MARCHF1: variants seen among roughly 807,000 people sequenced by gnomAD.
MARCHF1 encodes the protein E3 ubiquitin-protein ligase MARCHF1.
In MARCHF1, 40 loss-of-function variants were observed where a neutral mutation model predicts 54.2. That is an observed-to-expected ratio of 0.74 (90% CI 0.57 to 0.96). The LOEUF is 0.96. Ranked by LOEUF, MARCHF1 falls within the 40% of genes least tolerant of loss-of-function variation. The probability of loss-of-function intolerance (pLI) is 0.00; values close to 1 mark genes in which losing one functional copy is unlikely to be tolerated. For missense variants in MARCHF1, 586 were observed against 656.5 expected (o/e 0.89, Z 1.17); for synonymous variants, 236 against 236.3 (o/e 1.00, Z 0.01).
intron 1 of MARCHF1, among the ~76,000 whole-genome samples, chr4:164,299,778 G>C (rs1458592550): frequency 6.6e-6 from 1 of 152,160 alleles, no homozygotes; most frequent in Non-Finnish European, 1.5e-5. Context: ...AACTCTTACA[G>C]AGGAAAATAG....
chr4:163,612,937 A>G lies in MARCHF1; in HGVS notation c.344T>C (p.Ile115Thr), dbSNP rs1579112750. Residue 115 changes from isoleucine (I) to threonine (T), a missense_variant, in exon 7 of 10, where the codon ATA (isoleucine) becomes ACA (threonine). This residue lies in a region of MARCHF1 where 387 missense variants were observed against 394.6 expected (regional missense o/e 0.98). Coordinates refer to ENST00000514618, the MANE Select transcript of MARCHF1 (RefSeq NM_001394959.1). The stretch of plus-strand genomic sequence containing the variant: ...TTTTCTCCTCCTCCTAGGTCTTTGT[A>G]TTACTGATTTCTTACCAGACTCCTT... ...ARKESGKKSV[I>T]QRPRRRRKAS... 1.3e-6 allele frequency: 2 copies of G among 1,535,152 alleles called. No homozygotes were observed. Among genetic ancestry groups the G allele is most frequent in the African/African-American group, 1.4e-5 (1 of 73,042 alleles).
chr4:164,131,423 G>A (rs983070547), intron 1 of MARCHF1, among the ~76,000 whole-genome samples: 1 of 152,078 alleles, frequency 6.6e-6, no homozygotes, highest in Non-Finnish European at 1.5e-5. Flanking sequence ...TTTGGCATTT[G>A]GAAATACAAT....
chr4:164,255,529 A>G (rs1430686269), intron 1 of MARCHF1, among the ~76,000 whole-genome samples: 1 of 152,102 alleles, frequency 6.6e-6, no homozygotes, highest in East Asian at 1.9e-4. Context: ...GATGGAGAAT[A>G]TCAGAGATAA....
intron 1 of MARCHF1, among the ~76,000 whole-genome samples, chr4:164,217,609 TAA>T (rs1731970034): frequency 6.6e-6 from 1 of 152,188 alleles, no homozygotes; most frequent in Non-Finnish European, 1.5e-5. Context: ...CCTTGGATGA[TAA>T]AGACTCTTTG....
intron 1 of MARCHF1, among the ~76,000 whole-genome samples, chr4:164,366,881 A>G (rs534700862): frequency 1.3e-5 from 2 of 149,966 alleles, no homozygotes; most frequent in South Asian, 4.2e-4. Context: ...GTTTAATTCA[A>G]AATAATTTAC....
intron 3 of MARCHF1, among the ~76,000 whole-genome samples, chr4:163,874,100 G>A (rs1160012561): frequency 6.6e-6 from 1 of 152,190 alleles, no homozygotes; most frequent in African/African-American, 2.4e-5. Flanking sequence ...AATTATCATA[G>A]AGGTATTAGT....
At chr4:164,218,593 C>A (rs1049835238) in intron 1 of MARCHF1, among the ~76,000 whole-genome samples, 1 of 150,706 alleles carries the variant, frequency 6.6e-6, no homozygotes, top group Admixed American at 6.7e-5. Flanking sequence ...AGCAAACTAT[C>A]CCAAGGACAA....
At chr4:163,906,619 C>T (rs1164360061) in intron 3 of MARCHF1, among the ~76,000 whole-genome samples, 1 of 151,802 alleles carries the variant, frequency 6.6e-6, no homozygotes. Flanking sequence ...CACCTTTTAT[C>T]AGCTATGTAG....
chr4:164,087,807 G>GTT (rs10706800), intron 2 of MARCHF1, among the ~76,000 whole-genome samples: 5,086 of 147,158 alleles, frequency 0.035, 271 homozygotes, highest in African/African-American at 0.12. Flanking sequence ...TTTTTTCTGT[G>GTT]TTTTTTTTTT....
intron 3 of MARCHF1, among the ~76,000 whole-genome samples, chr4:163,911,250 T>C (rs1307954892): frequency 6.6e-6 from 1 of 152,176 alleles, no homozygotes; most frequent in Non-Finnish European, 1.5e-5. Flanking sequence ...GTAATTTGAT[T>C]GGTGGGTTTG....
chr4:164,213,203 TTTATTATTA>T (rs200182175), intron 1 of MARCHF1, among the ~76,000 whole-genome samples: 1,630 of 141,782 alleles, frequency 0.011, 13 homozygotes, highest in African/African-American at 0.026. Flanking sequence ...GGCTTTTACT[TTTATTATTA>T]TTATTATTAT....
chr4:164,139,059 C>G (rs1004744200), intron 1 of MARCHF1, among the ~76,000 whole-genome samples: 13 of 152,030 alleles, frequency 8.6e-5, no homozygotes, highest in Non-Finnish European at 1.5e-4. Context: ...TTATTTTGGT[C>G]TAGTACATGA....
intron 3 of MARCHF1, among the ~76,000 whole-genome samples, chr4:163,877,465 T>G (rs2111234071): frequency 6.6e-6 from 1 of 150,644 alleles, no homozygotes; most frequent in Non-Finnish European, 1.5e-5. Flanking sequence ...GGCACTGTTT[T>G]TTTTTTTTTT....
intron 8 of MARCHF1, among the ~76,000 whole-genome samples, chr4:163,568,102 A>G (rs1425514129): frequency 1.3e-5 from 2 of 152,150 alleles, no homozygotes; most frequent in Non-Finnish European, 2.9e-5. Context: ...ATGCTTAGCC[A>G]TACCATTTCT....
At chr4:163,994,352 C>T (rs189055654) in intron 2 of MARCHF1, among the ~76,000 whole-genome samples, 6 of 150,160 alleles carry the variant, frequency 4.0e-5, no homozygotes, top group Admixed American at 2.0e-4. Context: ...GGCTCCTTCC[C>T]CTTCCATATT....
intron 5 of MARCHF1, among the ~76,000 whole-genome samples, chr4:163,629,382 T>A (rs1741988143): frequency 6.6e-6 from 1 of 152,066 alleles, no homozygotes; most frequent in Admixed American, 6.6e-5. Context: ...GGATCCCTTT[T>A]TTACACCTTA....
intron 2 of MARCHF1, among the ~76,000 whole-genome samples, chr4:164,038,550 C>G (rs1040731370): frequency 2.0e-5 from 3 of 152,082 alleles, no homozygotes; most frequent in Non-Finnish European, 2.9e-5. Context: ...CATGAACTAT[C>G]TTATTAAAAT....
chr4:164,035,930 T>TAAAAA (rs35474146), intron 2 of MARCHF1, among the ~76,000 whole-genome samples: 53 of 116,450 alleles, frequency 4.6e-4, no homozygotes, highest in Non-Finnish European at 7.3e-4. Context: ...AAACTAAAAC[T>TAAAAA]AAAAAAAAAA....
chr4:163,587,173 T>C (rs1740437666), intron 7 of MARCHF1, among the ~76,000 whole-genome samples: 1 of 152,246 alleles, frequency 6.6e-6, no homozygotes, highest in Non-Finnish European at 1.5e-5. Context: ...TATTTTTCTC[T>C]TTGGATGAGA....
Sources: allele counts gnomAD v4.1 joint callset (sites outside exome capture counted in the v4.1 genomes callset), GRCh38; gene constraint gnomAD v4.1.1; regional missense constraint gnomAD v4.1.1; transcripts MANE v1.5; gene names NCBI Gene and HGNC (gene_info 2026-07-23, HGNC 2026-07-21).